Variants in SLC38A4 observed in about 807,000 individuals in gnomAD.
The protein encoded by SLC38A4 is sodium-coupled neutral amino acid transporter 4.
SLC38A4 carries 20 observed loss-of-function variants against 63.1 expected under a neutral mutation model. The ratio of observed to expected loss-of-function variants is 0.32; its 90% CI spans 0.22 to 0.46. SLC38A4 has a LOEUF of 0.46. Ranked by LOEUF, SLC38A4 falls within the 20% of genes least tolerant of loss-of-function variation. The pLI is 1.00. For missense variants in SLC38A4, 526 were observed against 663.6 expected (o/e 0.79, Z 2.28); for synonymous variants, 230 against 225.5 (o/e 1.02, Z -0.18).
chr12:46,815,302 C>CAT (rs1939421687), intron 1 of SLC38A4, among the ~76,000 whole-genome samples: 1 of 146,808 alleles, frequency 6.8e-6, no homozygotes, highest in Non-Finnish European at 1.5e-5. Context: ...CACACACACA[C>CAT]ACACACAGAG....
intron 1 of SLC38A4, among the ~76,000 whole-genome samples, chr12:46,823,217 G>A (rs990151896): frequency 6.6e-6 from 1 of 152,066 alleles, no homozygotes; most frequent in East Asian, 1.9e-4. Flanking sequence ...AATTCAGTGG[G>A]TCTTTTGTTT....
At chr12:46,796,353 T>A (rs983359232) in intron 2 of SLC38A4, among the ~76,000 whole-genome samples, 1 of 152,208 alleles carries the variant, frequency 6.6e-6, no homozygotes, top group African/African-American at 2.4e-5. Context: ...CCCTAAATTA[T>A]ACGTTTCTTC....
chr12:46,778,868 G>A, intron 10 of SLC38A4, 92 bp from the exon 11 acceptor site: 1 of 1,184,610 alleles, frequency 8.4e-7, no homozygotes, highest in South Asian at 1.5e-5. Flanking sequence ...TAGGGTGGGG[G>A]GTGAGGGAAC....
chr12:46,828,588 G>A (rs1402576785), upstream of SLC38A4, among the ~76,000 whole-genome samples: 1 of 152,208 alleles, frequency 6.6e-6, no homozygotes, highest in Admixed American at 6.5e-5. Context: ...CTCCCAAAGA[G>A]CTGGGATTAC....
chr12:46,770,587 G>A (rs1938397388), intron 14 of SLC38A4, among the ~76,000 whole-genome samples: 1 of 152,112 alleles, frequency 6.6e-6, no homozygotes, highest in Admixed American at 6.6e-5. Context: ...AGGGTCAAGA[G>A]AGCCTCAGTT....
intron 1 of SLC38A4, among the ~76,000 whole-genome samples, chr12:46,825,069 T>G (rs1466142396): frequency 6.6e-6 from 1 of 151,712 alleles, no homozygotes; most frequent in Non-Finnish European, 1.5e-5. Context: ...GGTTTAATAT[T>G]GTACTAAAGT....
intron 1 of SLC38A4, among the ~76,000 whole-genome samples, chr12:46,808,127 T>TA (rs1336053248): frequency 6.6e-6 from 1 of 151,966 alleles, no homozygotes; most frequent in Non-Finnish European, 1.5e-5. Flanking sequence ...TTAACACACA[T>TA]ACAATACAAA....
At chr12:46,786,027 A>G (rs1359757594) in intron 5 of SLC38A4, among the ~76,000 whole-genome samples, 1 of 152,056 alleles carries the variant, frequency 6.6e-6, no homozygotes, top group Non-Finnish European at 1.5e-5. Context: ...AATCAATACT[A>G]CAAATGTACA....
upstream of SLC38A4, among the ~76,000 whole-genome samples, chr12:46,829,317 C>T (rs1374972985): frequency 1.3e-5 from 2 of 151,888 alleles, no homozygotes; most frequent in East Asian, 1.9e-4. Context: ...AAGATGATTT[C>T]AATTGATAGG....
At chr12:46,769,811 G>A (rs1938378056) in intron 14 of SLC38A4, among the ~76,000 whole-genome samples, 1 of 152,050 alleles carries the variant, frequency 6.6e-6, no homozygotes, top group Admixed American at 6.6e-5. Context: ...CAGGTTTGTA[G>A]CCTAGGAGTA....
At chr12:46,816,299 T>C (rs1313321360) in intron 1 of SLC38A4, among the ~76,000 whole-genome samples, 1 of 151,826 alleles carries the variant, frequency 6.6e-6, no homozygotes, top group African/African-American at 2.4e-5. Flanking sequence ...AGGGTAATAT[T>C]TGGATGCATA....
intron 1 of SLC38A4, among the ~76,000 whole-genome samples, chr12:46,808,899 G>C (rs575981586): frequency 3.3e-4 from 50 of 152,098 alleles, no homozygotes; most frequent in Non-Finnish European, 5.2e-4. Context: ...CCTTGTTAAC[G>C]TAAGTTCTTC....
chr12:46,795,233 C>T (rs755627018), intron 2 of SLC38A4, among the ~76,000 whole-genome samples: 3 of 151,922 alleles, frequency 2.0e-5, no homozygotes, highest in African/African-American at 4.8e-5. Flanking sequence ...CTTCCTTCTC[C>T]TACACTCCTA....
chr12:46,811,896 G>T (rs941572966), intron 1 of SLC38A4, among the ~76,000 whole-genome samples: 1 of 151,824 alleles, frequency 6.6e-6, no homozygotes, highest in Non-Finnish European at 1.5e-5. Flanking sequence ...CTAATTGCAA[G>T]TCTTACAGGA....
At chr12:46,824,750 C>T (rs772401069) in intron 1 of SLC38A4, among the ~76,000 whole-genome samples, 2 of 152,048 alleles carry the variant, frequency 1.3e-5, no homozygotes, top group African/African-American at 4.8e-5. Flanking sequence ...GCCGGGGTAG[C>T]GAGGAGCAGG....
intron 2 of SLC38A4, among the ~76,000 whole-genome samples, chr12:46,800,356 C>T (rs967030502): frequency 2.0e-5 from 3 of 152,096 alleles, no homozygotes; most frequent in African/African-American, 7.2e-5. Context: ...ACTGGAAGGT[C>T]TATATACTTT....
intron 2 of SLC38A4, among the ~76,000 whole-genome samples, chr12:46,799,086 C>A (rs375366161): frequency 6.6e-6 from 1 of 152,082 alleles, no homozygotes; most frequent in Non-Finnish European, 1.5e-5. Flanking sequence ...CTATAGTAGG[C>A]CTTCAATAAA....
chr12:46,778,545 T>C lies in SLC38A4; in HGVS notation c.949A>G (p.Ser317Gly). The C allele has an allele frequency of 6.2e-7, 1 of 1,613,008 alleles. No homozygotes were observed. The highest frequency in any genetic ancestry group is 8.5e-7 in the Non-Finnish European group (1 of 1,179,342). The change falls in exon 11 of 17, where the codon AGT becomes GGT. Residue 317 changes from serine to glycine, a missense_variant. Coordinates refer to ENST00000266579, the MANE Select transcript of SLC38A4 (RefSeq NM_018018.5). ...TATTTGGGTTCACACTTGTCATCAC[T>C]ATGAGCTTCATATTCTACTCCACTG... ...HDSGVEYEAH[S>G]DDKCEPKYFV...
In SLC38A4 at chr12:46,808,778, C is replaced by A. The variant is rs151290563; in HGVS notation, c.-304-4984G>T. ...AATGTTAAATTAGAACTTTTAGAAGCTTGCTTTAAAGAATAATTTCTAGCC... is the reference window on the plus strand; with the variant it reads ...AATGTTAAATTAGAACTTTTAGAAGATTGCTTTAAAGAATAATTTCTAGCC... On this transcript the variant is annotated intron_variant, in intron 1 of 16. Transcript: ENST00000266579. Among the ~76,000 whole-genome samples, 335 of 152,112 alleles carry A rather than the reference C, an allele frequency of 2.2e-3. 1 individual carries two copies. Among genetic ancestry groups the A allele is most frequent in the African/African-American group, 7.9e-3 (327 of 41,504 alleles).
Sources: gnomAD v4.1 joint callset for allele counts (sites outside exome capture counted in the v4.1 genomes callset) on GRCh38, gnomAD v4.1.1 for gene constraint, MANE v1.5 for transcripts, NCBI Gene and HGNC (gene_info 2026-07-23, HGNC 2026-07-21) for gene names.